Variants in CIB1 observed in about 807,000 individuals in gnomAD.
CIB1 encodes the protein calcium and integrin-binding protein 1.
Under a neutral mutation model 25.0 loss-of-function variants are expected in CIB1, and 19 were observed. That is an observed-to-expected ratio of 0.76 (90% CI 0.53 to 1.12). The LOEUF is 1.12. CIB1 is among the 50% of genes most tolerant of loss of function. CIB1 has a pLI of 0.00. For synonymous variants in CIB1, 104 were observed against 98.5 expected, an observed-to-expected ratio of 1.06 and a Z score of -0.33; for missense variants, 236 against 242.6, an observed-to-expected ratio of 0.97 and a Z score of 0.18.
the CIB1 span, chr15:90,253,323 T>C: frequency 1.2e-6 from 2 of 1,613,674 alleles, no homozygotes; most frequent in Non-Finnish European, 1.7e-6. Context: ...CTGGACAGAC[T>C]GCGCTGTCTC....
the CIB1 span, among the ~76,000 whole-genome samples, chr15:90,264,392 G>A: frequency 2.6e-5 from 4 of 152,102 alleles, no homozygotes; most frequent in African/African-American, 9.7e-5. Context: ...CGTAGCCCAG[G>A]CTGGTCTTGA....
At chr15:90,262,072 G>T in the CIB1 span, 2,032 of 1,536,028 alleles carry the variant, frequency 1.3e-3, 27 homozygotes, top group African/African-American at 0.025. Flanking sequence ...ATTCTCACCT[G>T]GGAAAATACC....
At chr15:90,256,545 T>TTTTCTTTCTTTCTTTCTTTCCTTTC in the CIB1 span, among the ~76,000 whole-genome samples, 1 of 105,392 alleles carries the variant, frequency 9.5e-6, no homozygotes, top group African/African-American at 3.2e-5. Context: ...TCTCCTTCCT[T>TTTTCTTTCTTTCTTTCTTTCCTTTC]TTTCTTTCTT....
chr15:90,259,468 C>T, the CIB1 span, among the ~76,000 whole-genome samples: 1 of 152,138 alleles, frequency 6.6e-6, no homozygotes, highest in African/African-American at 2.4e-5. Context: ...CTCCCCTTCT[C>T]CTCCAGGTAC....
the CIB1 span, among the ~76,000 whole-genome samples, chr15:90,256,560 T>TCTTTCTTTCTTTCTTTC: frequency 4.9e-5 from 2 of 40,404 alleles, no homozygotes; most frequent in African/African-American, 2.3e-4. Flanking sequence ...TTTCTTTCTT[T>TCTTTCTTTCTTTCTTTC]CTTTCTTTCT....
At chr15:90,233,114 G>C (rs1225783868) in intron 2 of CIB1, among the ~76,000 whole-genome samples, 1 of 152,172 alleles carries the variant, frequency 6.6e-6, no homozygotes, top group African/African-American at 2.4e-5. Flanking sequence ...CGGCAAAAGG[G>C]CTTCCAGCCC....
At chr15:90,265,009 CAG>C in the CIB1 span, 1 of 1,503,492 alleles carries the variant, frequency 6.7e-7, no homozygotes. Context: ...ATAACCTCCC[CAG>C]GTTTCCAAAG....
At chr15:90,251,605 A>G in the CIB1 span, 1 of 1,613,674 alleles carries the variant, frequency 6.2e-7, no homozygotes, top group Non-Finnish European at 8.5e-7. Context: ...GTAAGCACCC[A>G]GCCCGTCGCT....
the CIB1 span, chr15:90,253,496 C>T: frequency 1.9e-6 from 1 of 528,722 alleles, no homozygotes; most frequent in Admixed American, 3.3e-5. Flanking sequence ...GAAAGACCAC[C>T]CCCAGGGTCT....
the CIB1 span, among the ~76,000 whole-genome samples, chr15:90,250,359 C>T: frequency 6.6e-6 from 1 of 152,144 alleles, no homozygotes; most frequent in African/African-American, 2.4e-5. Flanking sequence ...CACCCCTGTG[C>T]GTTGTATGAT....
chr15:90,253,203 GT>G, the CIB1 span: 4 of 1,528,200 alleles, frequency 2.6e-6, no homozygotes, highest in Non-Finnish European at 3.6e-6. Context: ...TCCAGGGCTT[GT>G]TGCTGGTGTC....
chr15:90,262,175 A>G, the CIB1 span: 1 of 1,534,714 alleles, frequency 6.5e-7, no homozygotes, highest in Admixed American at 2.0e-5. Context: ...TTCCAAGGCC[A>G]GAGAGGAGTG....
At chr15:90,242,369 C>A in the CIB1 span, 1 of 209,094 alleles carries the variant, frequency 4.8e-6, no homozygotes, top group Non-Finnish European at 9.4e-6. Flanking sequence ...AAGCAGTCCT[C>A]CCACCTCGGC....
the CIB1 span, among the ~76,000 whole-genome samples, chr15:90,250,348 G>A: frequency 6.6e-6 from 1 of 152,130 alleles, no homozygotes; most frequent in Non-Finnish European, 1.5e-5. Flanking sequence ...ACTCCTGAAG[G>A]CACCCCTGTG....
chr15:90,242,042 C>G, the CIB1 span: 3 of 1,608,760 alleles, frequency 1.9e-6, no homozygotes, highest in Non-Finnish European at 2.5e-6. Context: ...CACTGGTGGC[C>G]CTGATGTCCC....
chr15:90,241,302 G>A, the CIB1 span: 27 of 1,614,082 alleles, frequency 1.7e-5, no homozygotes, highest in South Asian at 8.8e-5. Flanking sequence ...GATCCGGCCC[G>A]GAGAAGTCCT....
Position 90,233,637 on chromosome 15 carries a change from G to A in CIB1, c.86+32C>T, listed in dbSNP as rs1455755406. 5 of 1,565,014 alleles carry A rather than the reference G, an allele frequency of 3.2e-6. No individual in the cohort carries two copies. In the South Asian group the frequency reaches 4.7e-5, roughly 15 times the overall value. On this transcript the variant is annotated intron_variant, in intron 2 of 6. Coordinates refer to ENST00000328649, the MANE Select transcript of CIB1 (RefSeq NM_006384.4). Reference sequence around the variant, plus strand: ...CCGAAGCTGTCTCTAGAGGATCCCGGGGTCGGAGGCAGGGTTCAAGGCAGC... The same window carrying A: ...CCGAAGCTGTCTCTAGAGGATCCCGAGGTCGGAGGCAGGGTTCAAGGCAGC...
rs373839839 is a variant in CIB1, at chr15:90,233,888, C to A, written c.-3G>T. ...AGGCGACTGCCCGAGCCCCCCATCG[C>A]CCCGCCGCGCGCACAGCTCCGCCAA... On this transcript the variant is annotated 5_prime_UTR_variant, in exon 1 of 7. Coordinates refer to ENST00000328649, the MANE Select transcript of CIB1 (RefSeq NM_006384.4). 794 of 1,470,018 alleles carry A rather than the reference C, an allele frequency of 5.4e-4. 8 individuals carry two copies. Among genetic ancestry groups the A allele is most frequent in the South Asian group, 4.7e-3 (339 of 72,072 alleles). 91.1% of individuals were successfully genotyped at this position (1,470,018 alleles called of 1,614,324 possible). A position where few individuals can be genotyped will look rare whatever the true frequency, so the allele number is the denominator to read the frequency against.
At chr15:90,238,982 C>G (rs544970748), upstream of CIB1, among the ~76,000 whole-genome samples, 1 of 152,080 alleles carries the variant, frequency 6.6e-6, no homozygotes, top group Admixed American at 6.5e-5. Flanking sequence ...CTACTCTGAC[C>G]CAGTGGTATA....
Sources: allele counts gnomAD v4.1 joint callset (sites outside exome capture counted in the v4.1 genomes callset), GRCh38; gene constraint gnomAD v4.1.1; transcripts MANE v1.5; gene names NCBI Gene and HGNC (gene_info 2026-07-23, HGNC 2026-07-21).